The following MICU3 variants were observed in gnomAD, a reference collection of about 807,000 sequenced individuals.
MICU3 encodes calcium uptake protein 3, mitochondrial.
Under a neutral mutation model 66.5 loss-of-function variants are expected in MICU3, and 62 were observed. The observed-to-expected ratio is 0.93, with a 90% confidence interval of 0.76 to 1.15. MICU3 has a LOEUF of 1.15. Ranked by LOEUF, MICU3 falls within the 50% of genes most tolerant of loss-of-function variation. The pLI is 0.00. For missense variants in MICU3, 779 were observed against 664.4 expected (o/e 1.17, Z -1.90); for synonymous variants, 308 against 240.7 (o/e 1.28, Z -2.59).
intron 1 of MICU3, among the ~76,000 whole-genome samples, chr8:17,035,867 T>A (rs1467315349): frequency 6.6e-6 from 1 of 152,140 alleles, no homozygotes; most frequent in East Asian, 1.9e-4. Context: ...GAGCCAAATG[T>A]TAGTCACCAA....
chr8:17,114,162 C>T lies in MICU3; in HGVS notation c.1327C>T (p.Leu443=), dbSNP rs1261047858. 3 of 1,611,974 alleles carry T rather than the reference C, an allele frequency of 1.9e-6. No homozygotes were observed. Among genetic ancestry groups the T allele is most frequent in the South Asian group, 1.1e-5 (1 of 90,548 alleles). ...LNNLEDFAIA[L]NMYNFASRSI... Reference sequence around the variant, plus strand: ...CAACCTAGAAGACTTTGCAATAGCCCTGAATATGTATAACTTTGCAAGTCG... The same window carrying T: ...CAACCTAGAAGACTTTGCAATAGCCTTGAATATGTATAACTTTGCAAGTCG... Residue 443 remains leucine (L), a synonymous_variant, in exon 12 of 15, where the codon CTG becomes TTG. Transcript: ENST00000318063.
chr8:17,125,150 G>A (rs541232815), downstream of MICU3, among the ~76,000 whole-genome samples: 1 of 152,036 alleles, frequency 6.6e-6, no homozygotes, highest in South Asian at 2.1e-4. Context: ...AATATAGCCT[G>A]TAATCTTTCT....
chr8:17,128,683 T>G, the MICU3 span, among the ~76,000 whole-genome samples: 29 of 152,232 alleles, frequency 1.9e-4, no homozygotes, highest in African/African-American at 6.7e-4. Context: ...GAAAACTATG[T>G]GGTGGAACTC....
chr8:17,059,044 A>G (rs537102081), intron 1 of MICU3, among the ~76,000 whole-genome samples: 2 of 152,214 alleles, frequency 1.3e-5, no homozygotes, highest in Non-Finnish European at 2.9e-5. Flanking sequence ...GCACACAGCA[A>G]GTACCTGTTG....
chr8:17,090,759 G>A (rs1301654486), intron 8 of MICU3, 175 bp downstream of exon 8: 6 of 455,848 alleles, frequency 1.3e-5, no homozygotes, highest in African/African-American at 1.0e-4. Context: ...CTAGATTTAT[G>A]TGAAGACTAA....
intron 12 of MICU3, among the ~76,000 whole-genome samples, chr8:17,114,425 G>A (rs76556376): frequency 0.01 from 1,546 of 152,194 alleles, 20 homozygotes; most frequent in African/African-American, 0.035. Context: ...GTGTACCTAT[G>A]GAGGAAGCAG....
chr8:17,070,781 T>G (rs1203718927), intron 3 of MICU3, among the ~76,000 whole-genome samples: 4 of 152,078 alleles, frequency 2.6e-5, no homozygotes, highest in Non-Finnish European at 5.9e-5. Context: ...GGTATATTAG[T>G]CCCCGTTTAT....
intron 12 of MICU3, among the ~76,000 whole-genome samples, chr8:17,116,172 C>T (rs1010504089): frequency 6.6e-6 from 1 of 152,182 alleles, no homozygotes; most frequent in African/African-American, 2.4e-5. Flanking sequence ...TTACTAACTT[C>T]TAAAGTATCT....
intron 1 of MICU3, among the ~76,000 whole-genome samples, chr8:17,055,027 G>T (rs185414245): frequency 6.6e-6 from 1 of 152,098 alleles, no homozygotes; most frequent in African/African-American, 2.4e-5. Flanking sequence ...ATGAGCCACC[G>T]TGCCCAGCCC....
intron 12 of MICU3, among the ~76,000 whole-genome samples, chr8:17,114,851 G>C (rs1293542248): frequency 1.3e-5 from 2 of 151,936 alleles, no homozygotes; most frequent in African/African-American, 4.8e-5. Flanking sequence ...CGGGCGCGGT[G>C]GCTCACGCCT....
At chr8:17,052,215 T>C (rs1816212688) in intron 1 of MICU3, among the ~76,000 whole-genome samples, 1 of 152,122 alleles carries the variant, frequency 6.6e-6, no homozygotes, top group Non-Finnish European at 1.5e-5. Context: ...TTTTTTTTTG[T>C]TTTTTATCAT....
intron 1 of MICU3, among the ~76,000 whole-genome samples, chr8:17,048,898 C>T (rs1247792864): frequency 2.6e-5 from 4 of 152,276 alleles, no homozygotes; most frequent in Admixed American, 1.3e-4. Flanking sequence ...AGATTTTCGA[C>T]GTGAGCAAGG....
intron 9 of MICU3, among the ~76,000 whole-genome samples, chr8:17,104,020 A>G (rs1425344471): frequency 2.0e-5 from 3 of 151,908 alleles, no homozygotes; most frequent in African/African-American, 7.2e-5. Context: ...CAGATTGATT[A>G]GGAAAATCCA....
intron 1 of MICU3, among the ~76,000 whole-genome samples, chr8:17,035,651 A>G (rs565568654): frequency 2.6e-5 from 4 of 152,228 alleles, no homozygotes; most frequent in Non-Finnish European, 2.9e-5. Flanking sequence ...TTTAAGCAGC[A>G]AAGTGTTCAA....
chr8:17,083,868 A>G (rs1158652489), intron 5 of MICU3, among the ~76,000 whole-genome samples: 1 of 152,080 alleles, frequency 6.6e-6, no homozygotes, highest in Non-Finnish European at 1.5e-5. Flanking sequence ...CTAAGTACCT[A>G]AACCAGCAGA....
chr8:17,106,643 C>T (rs776258247), intron 11 of MICU3, among the ~76,000 whole-genome samples: 13 of 150,402 alleles, frequency 8.6e-5, no homozygotes, highest in Non-Finnish European at 1.2e-4. Context: ...CTGAAAAATT[C>T]CAATTTCTAG....
chr8:17,034,390 C>T (rs781532309), intron 1 of MICU3, among the ~76,000 whole-genome samples: 9 of 152,198 alleles, frequency 5.9e-5, no homozygotes, highest in Admixed American at 1.3e-4. Flanking sequence ...AGTATCCATT[C>T]TGCAGTCCAT....
At chr8:17,102,022 G>A (rs915856037) in intron 9 of MICU3, among the ~76,000 whole-genome samples, 2 of 151,800 alleles carry the variant, frequency 1.3e-5, no homozygotes, top group African/African-American at 4.8e-5. Flanking sequence ...TAATATCCTC[G>A]AGAGATTAAC....
At chr8:17,040,966 G>A (rs1386110312) in intron 1 of MICU3, among the ~76,000 whole-genome samples, 3 of 152,152 alleles carry the variant, frequency 2.0e-5, no homozygotes, top group African/African-American at 7.2e-5. Context: ...AAACAGGTTG[G>A]GAATAATGGG....
Sources: allele counts gnomAD v4.1 joint callset (sites outside exome capture counted in the v4.1 genomes callset), GRCh38; gene constraint gnomAD v4.1.1; transcripts MANE v1.5; gene names NCBI Gene and HGNC (gene_info 2026-07-23, HGNC 2026-07-21).